Variants in RAPGEF5 observed in about 807,000 individuals in gnomAD.
The protein encoded by RAPGEF5 is M-Ras-regulated GEF.
In RAPGEF5, 65 loss-of-function variants were observed where a neutral mutation model predicts 125.2. The ratio of observed to expected loss-of-function variants is 0.52; its 90% CI spans 0.43 to 0.64. The LOEUF (loss-of-function observed/expected upper bound fraction) is 0.64, where lower values mean the gene tolerates loss of function less well. Among genes scored for constraint, RAPGEF5 ranks in the 30% least tolerant of loss-of-function variants. The pLI is 0.00. For synonymous variants in RAPGEF5, 391 were observed against 385.9 expected, an observed-to-expected ratio of 1.01 and a Z score of -0.16; for missense variants, 958 against 1,048.1, an observed-to-expected ratio of 0.91 and a Z score of 1.19.
rs1181198162 is a variant in RAPGEF5, at chr7:22,118,753, A to G, written c.*3653T>C. Reference sequence around the variant, plus strand: ...TTCAGGTCACTGATTTCATCCCAGTATTTAATAACAGTGTGATACGAATAC... The same window carrying G: ...TTCAGGTCACTGATTTCATCCCAGTGTTTAATAACAGTGTGATACGAATAC... On this transcript the variant is annotated 3_prime_UTR_variant, in exon 26 of 26. Coordinates refer to ENST00000665637, the MANE Select transcript of RAPGEF5 (RefSeq NM_012294.5). 2 of 152,626 alleles carry G rather than the reference A, an allele frequency of 1.3e-5. No homozygotes were observed. Among genetic ancestry groups the G allele is most frequent in the Non-Finnish European group, 2.9e-5 (2 of 68,042 alleles). The allele number at this position is 152,626 out of a possible 1,614,324, so 9.5% of individuals were successfully genotyped here. A position where few individuals can be genotyped will look rare whatever the true frequency, so the allele number is the denominator to read the frequency against.
chr7:22,343,181 C>T (rs553368477), intron 1 of RAPGEF5, among the ~76,000 whole-genome samples: 3 of 152,302 alleles, frequency 2.0e-5, no homozygotes, highest in African/African-American at 7.2e-5. Flanking sequence ...AGAGCTTCTG[C>T]AGGGAAACTC....
chr7:22,344,818 A>T (rs1784192887), intron 1 of RAPGEF5, among the ~76,000 whole-genome samples: 1 of 152,216 alleles, frequency 6.6e-6, no homozygotes, highest in Non-Finnish European at 1.5e-5. Flanking sequence ...AGTTTCCAAA[A>T]TTATTCATTC....
At position 22,144,042 on chromosome 7, in the gene RAPGEF5, GAAGTAA is replaced by G. The variant is rs1339146398; in HGVS notation, c.2186+996_2186+1001del. 9.2e-5 allele frequency among the ~76,000 whole-genome samples: 14 copies of G among 152,354 alleles called. No individual in the cohort carries two copies. The East Asian group carries it at 1.9e-3, about 21-fold the overall frequency. On this transcript the variant is annotated intron_variant, in intron 20 of 25. Coordinates refer to ENST00000665637, the MANE Select transcript of RAPGEF5 (RefSeq NM_012294.5). ...AGGAGAAATAAAACTGGAAGCGCAGGAAGTAAAAGGAGCTGGGGAAGATTTTGATTC... is the reference window on the plus strand; with the variant it reads ...AGGAGAAATAAAACTGGAAGCGCAGGAAGGAGCTGGGGAAGATTTTGATTC...
At chr7:22,245,084 C>G (rs1345751412) in intron 7 of RAPGEF5, among the ~76,000 whole-genome samples, 1 of 152,146 alleles carries the variant, frequency 6.6e-6, no homozygotes, top group Admixed American at 6.5e-5. Context: ...ATATTGACCA[C>G]TTTTTGCAGG....
chr7:22,308,518 C>A lies in RAPGEF5; in HGVS notation c.512-11G>T. ...ATAGATGCTGGTCCACTGTTTGAAACAAAAAATATATAGATCAATTTTTTA... is the reference window on the plus strand; with the variant it reads ...ATAGATGCTGGTCCACTGTTTGAAAAAAAAAATATATAGATCAATTTTTTA... On this transcript the variant is annotated splice_polypyrimidine_tract_variant and intron_variant, in intron 4 of 25. Coordinates refer to ENST00000665637, the MANE Select transcript of RAPGEF5 (RefSeq NM_012294.5). 2.7e-6 allele frequency: 4 copies of A among 1,492,970 alleles called. No individual in the cohort carries two copies. Among genetic ancestry groups the A allele is most frequent in the Admixed American group, 4.7e-5 (2 of 42,718 alleles). The allele number at this position is 1,492,970 out of a possible 1,614,324, so 92.5% of individuals were successfully genotyped here.
At chr7:22,301,344 G>C (rs942464801) in intron 5 of RAPGEF5, among the ~76,000 whole-genome samples, 7 of 152,274 alleles carry the variant, frequency 4.6e-5, no homozygotes, top group Admixed American at 4.6e-4. Context: ...GGCCAGGCGT[G>C]GTGGCTCACG....
intron 2 of RAPGEF5, among the ~76,000 whole-genome samples, chr7:22,316,483 ATATATATTTT>A (rs1326636055): frequency 0.014 from 418 of 30,348 alleles, 2 homozygotes; most frequent in Admixed American, 0.023. Context: ...ATATATATAT[ATATATATTTT>A]TTTTTTTTTT....
In RAPGEF5 at chr7:22,177,951, A is replaced by C. The variant is rs866738741; in HGVS notation, c.1205-10803T>G. ...AGAAGGTGGTCTTTCATTGGTCTTAAATCACCAAAGATGCCCCTATAAAGT... is the reference window on the plus strand; with the variant it reads ...AGAAGGTGGTCTTTCATTGGTCTTACATCACCAAAGATGCCCCTATAAAGT... On this transcript the variant is annotated intron_variant, in intron 11 of 25. Transcript: ENST00000665637. Among the ~76,000 whole-genome samples the C allele has an allele frequency of 9.2e-5, 14 of 152,192 alleles. No individual in the cohort carries two copies. In the South Asian group the frequency reaches 2.9e-3, roughly 32 times the overall value.
intron 14 of RAPGEF5, 116 bp from the exon 15 acceptor site, chr7:22,158,001 A>G: frequency 1.1e-6 from 1 of 921,932 alleles, no homozygotes; most frequent in Non-Finnish European, 1.7e-6. Context: ...TTTAAAAAAA[A>G]TAAAACACAG....
intron 2 of RAPGEF5, among the ~76,000 whole-genome samples, chr7:22,316,489 A>ATATATAT (rs1201099897): frequency 2.0e-5 from 1 of 50,642 alleles, no homozygotes. Flanking sequence ...ATATATATAT[A>ATATATAT]TTTTTTTTTT....
chr7:22,243,640 A>G (rs1285304405), intron 7 of RAPGEF5, among the ~76,000 whole-genome samples: 1 of 152,306 alleles, frequency 6.6e-6, no homozygotes, highest in East Asian at 1.9e-4. Context: ...AGAGTTGTAT[A>G]TATTTATGGG....
chr7:22,289,349 G>A (rs1286048426), intron 6 of RAPGEF5, among the ~76,000 whole-genome samples: 1 of 152,178 alleles, frequency 6.6e-6, no homozygotes, highest in Non-Finnish European at 1.5e-5. Context: ...AAAATTCTGA[G>A]TTCTGACTCT....
rs982079955 is a variant in RAPGEF5 at position 22,165,126 on chromosome 7, A to T, written c.1283+1944T>A. The stretch of plus-strand genomic sequence containing the variant: ...AAAGACTTCTGGCTTAAAATGTTTT[A>T]GAGTTCATGGGTTTTGATTATCGGT... On this transcript the variant is annotated intron_variant, in intron 12 of 25. Coordinates refer to ENST00000665637, the MANE Select transcript of RAPGEF5 (RefSeq NM_012294.5). Among the ~76,000 whole-genome samples the T allele has an allele frequency of 2.0e-5, 3 of 152,310 alleles. No individual in the cohort carries two copies. In the East Asian group the frequency reaches 5.8e-4, roughly 29 times the overall value.
chr7:22,238,794 G>A (rs936961479), intron 7 of RAPGEF5, among the ~76,000 whole-genome samples: 12 of 152,278 alleles, frequency 7.9e-5, no homozygotes, highest in African/African-American at 2.9e-4. Flanking sequence ...CAGATTCCAA[G>A]ATTATGCTCA....
At chr7:22,332,838 C>T (rs1783948035) in intron 1 of RAPGEF5, among the ~76,000 whole-genome samples, 1 of 152,228 alleles carries the variant, frequency 6.6e-6, no homozygotes, top group South Asian at 2.1e-4. Context: ...TTACACCCTT[C>T]TACGCCTGAG....
At chr7:22,332,283 G>T (rs963133179) in intron 1 of RAPGEF5, among the ~76,000 whole-genome samples, 4 of 152,214 alleles carry the variant, frequency 2.6e-5, no homozygotes, top group Admixed American at 2.6e-4. Flanking sequence ...ACGCCCTGGG[G>T]AGATTTAATG....
chr7:22,299,539 A>C (rs1350589264), intron 5 of RAPGEF5, among the ~76,000 whole-genome samples: 1 of 152,202 alleles, frequency 6.6e-6, no homozygotes, highest in Non-Finnish European at 1.5e-5. Flanking sequence ...AAAATAAAAA[A>C]TGCCTTTGAT....
chr7:22,271,274 GTGATTCTAT>G (rs1373441540), intron 6 of RAPGEF5, among the ~76,000 whole-genome samples: 3 of 152,114 alleles, frequency 2.0e-5, no homozygotes, highest in African/African-American at 7.2e-5. Context: ...AGATTCCTAG[GTGATTCTAT>G]TGCATCCAGG....
At chr7:22,164,797 T>C (rs1401192716) in intron 12 of RAPGEF5, among the ~76,000 whole-genome samples, 1 of 152,196 alleles carries the variant, frequency 6.6e-6, no homozygotes, top group Non-Finnish European at 1.5e-5. Flanking sequence ...CACAGAATAT[T>C]AGCTGGCTCA....
Sources: allele counts gnomAD v4.1 joint callset (sites outside exome capture counted in the v4.1 genomes callset), GRCh38; gene constraint gnomAD v4.1.1; transcripts MANE v1.5; gene names NCBI Gene and HGNC (gene_info 2026-07-23, HGNC 2026-07-21).